Variants in TMEM140 observed in about 807,000 individuals in gnomAD.
TMEM140 encodes the protein transmembrane protein 140.
For synonymous variants in TMEM140, 107 were observed against 106.8 expected (o/e 1.00, Z -0.01); for missense variants, 236 against 228.5 (o/e 1.03, Z -0.21).
Position 135,165,398 on chromosome 7 carries a change from T to TAA in TMEM140, c.*400_*401insAA, listed in dbSNP as rs1225503324. On this transcript the variant is annotated 3_prime_UTR_variant, in exon 2 of 2. Transcript: ENST00000275767. ...CCAAAATGAAACCTAGCAAAGAACT[T>TAA]ACGGCAACAAACGAGGACATTAAAA... The TAA allele has an allele frequency of 5.4e-6, 1 of 186,588 alleles. No homozygotes were observed. Among genetic ancestry groups the TAA allele is most frequent in the African/African-American group, 2.4e-5 (1 of 41,926 alleles). 11.6% of individuals were successfully genotyped at this position (186,588 alleles called of 1,614,324 possible). A position where few individuals can be genotyped will look rare whatever the true frequency, so the allele number is the denominator to read the frequency against.
chr7:135,151,715 C>T lies in TMEM140; in HGVS notation c.-25+3445C>T, dbSNP rs1421281847. Among the ~76,000 whole-genome samples the T allele has an allele frequency of 2.0e-5, 3 of 152,188 alleles. No homozygotes were observed. The highest frequency in any genetic ancestry group is 3.8e-4 in the East Asian group (2 of 5,196). ...CAGTCTCACAACAGCCCATGAGGAA[C>T]GTGACAACTGATGCATTACAGATGA... On this transcript the variant is annotated intron_variant, in intron 1 of 1. Transcript: ENST00000275767. The surrounding 1 kb of genome is among the most constrained non-coding windows in gnomAD (Gnocchi z 4.3).
intron 1 of TMEM140, among the ~76,000 whole-genome samples, chr7:135,163,304 T>G (rs1829995338): frequency 6.6e-6 from 1 of 152,254 alleles, no homozygotes; most frequent in Non-Finnish European, 1.5e-5. Flanking sequence ...AGTGGTTTTA[T>G]GTGTATGATG....
At chr7:135,158,725 G>A (rs1430634272) in intron 1 of TMEM140, among the ~76,000 whole-genome samples, 2 of 152,096 alleles carry the variant, frequency 1.3e-5, no homozygotes, top group African/African-American at 4.8e-5. Flanking sequence ...GGGGAGGGGT[G>A]TCTACTCACA....
In TMEM140 at chr7:135,164,413, C is replaced by G. The variant is rs753566403; in HGVS notation, c.-24-5C>G. ...GATGGACTGACTGCTGTGACTTCCC[C>G]GCAGGTCCCCCGGCAGAGGGCAGTA... On this transcript the variant is annotated splice_region_variant and splice_polypyrimidine_tract_variant and intron_variant, in intron 1 of 1. Coordinates refer to ENST00000275767, the MANE Select transcript of TMEM140 (RefSeq NM_018295.5). The G allele has an allele frequency of 3.2e-6, 5 of 1,578,884 alleles. No individual in the cohort carries two copies. Among genetic ancestry groups the G allele is most frequent in the Non-Finnish European group, 4.3e-6 (5 of 1,153,538 alleles).
At chr7:135,162,013 G>A (rs1210508566) in intron 1 of TMEM140, among the ~76,000 whole-genome samples, 1 of 152,218 alleles carries the variant, frequency 6.6e-6, no homozygotes, top group Non-Finnish European at 1.5e-5. Flanking sequence ...AGCCTGCCCA[G>A]GTCTCTGCCA....
Position 135,148,075 on chromosome 7 carries a change from G to C in TMEM140, c.-220G>C, listed in dbSNP as rs777077108. The C allele has an allele frequency of 2.2e-6, 1 of 456,220 alleles. No homozygotes were observed. 28.3% of individuals were successfully genotyped at this position (456,220 alleles called of 1,614,324 possible). A position where few individuals can be genotyped will look rare whatever the true frequency, so the allele number is the denominator to read the frequency against. On this transcript the variant is annotated 5_prime_UTR_variant, in exon 1 of 2. Coordinates refer to ENST00000275767, the MANE Select transcript of TMEM140 (RefSeq NM_018295.5). ...CAGAACAAATGTACCAAAGTTCAGA[G>C]AGCTGTTTACTAGGCACGACTGCGA...
rs555896063 is a variant in TMEM140, at chr7:135,157,240, T to A, written c.-24-7178T>A. 2.0e-5 allele frequency among the ~76,000 whole-genome samples: 3 copies of A among 152,340 alleles called. No individual in the cohort carries two copies. The South Asian group carries it at 6.2e-4, about 32-fold the overall frequency. ...TGAAATTGCTTTTATAAGGGAGAAT[T>A]TTTTCCTGAGGATATATGCATGTTG... On this transcript the variant is annotated intron_variant, in intron 1 of 1. Transcript: ENST00000275767.
chr7:135,150,723 A>G (rs921398708), intron 1 of TMEM140, among the ~76,000 whole-genome samples: 2 of 152,194 alleles, frequency 1.3e-5, no homozygotes, highest in Non-Finnish European at 2.9e-5. Context: ...AACAGAAACC[A>G]AATGAGATTA....
chr7:135,156,774 A>AG (rs1468796716), intron 1 of TMEM140, among the ~76,000 whole-genome samples: 1 of 152,078 alleles, frequency 6.6e-6, no homozygotes, highest in East Asian at 1.9e-4. Context: ...GATGATTGTT[A>AG]CGGTTTGACT....
chr7:135,154,390 T>G (rs532667225), intron 1 of TMEM140, among the ~76,000 whole-genome samples: 2 of 152,304 alleles, frequency 1.3e-5, no homozygotes, highest in Admixed American at 1.3e-4. Context: ...TTTTTTCTTT[T>G]CTGCTAACTT....
chr7:135,165,217 C>G lies in TMEM140; in HGVS notation c.*218C>G, dbSNP rs1176263654. 1 of 525,724 alleles carries G rather than the reference C, an allele frequency of 1.9e-6. No individual in the cohort carries two copies. The highest frequency in any genetic ancestry group is 3.5e-5 in the Admixed American group (1 of 28,586). 32.6% of individuals were successfully genotyped at this position (525,724 alleles called of 1,614,324 possible). A position where few individuals can be genotyped will look rare whatever the true frequency, so the allele number is the denominator to read the frequency against. ...AAGATTGTCTGTCCTTCAGGACTTC[C>G]AAGGCTCCCAAAGACTCCCTAAACC... On this transcript the variant is annotated 3_prime_UTR_variant, in exon 2 of 2. Coordinates refer to ENST00000275767, the MANE Select transcript of TMEM140 (RefSeq NM_018295.5).
rs369115443 is a variant in TMEM140, at chr7:135,164,906, C to T, written c.465C>T (p.Gly155=). 7 of 1,614,102 alleles carry T rather than the reference C, an allele frequency of 4.3e-6. No homozygotes were observed. In the African/African-American group the frequency reaches 8.0e-5, roughly 18 times the overall value. Residue 155 remains glycine, a synonymous_variant, in exon 2 of 2, where the codon GGC becomes GGT. Coordinates refer to ENST00000275767, the MANE Select transcript of TMEM140 (RefSeq NM_018295.5). The part of the protein sequence containing the change: ...SLPGPGFLAL[G]SAQALLILLL... ...CGGGGCCTGGGTTTCTAGCTCTGGG[C>T]AGCGCCCAGGCCTTACTCATCCTCT...
chr7:135,162,160 T>C (rs1328701488), intron 1 of TMEM140, among the ~76,000 whole-genome samples: 5 of 152,174 alleles, frequency 3.3e-5, no homozygotes, highest in African/African-American at 4.8e-5. Context: ...ATGCAGTGTG[T>C]AGAATGAGAC....
intron 1 of TMEM140, among the ~76,000 whole-genome samples, chr7:135,149,360 G>C (rs1366595689): frequency 6.6e-6 from 1 of 151,950 alleles, no homozygotes; most frequent in African/African-American, 2.4e-5. Context: ...ACACTATGTA[G>C]AGTGATTTTA....
At chr7:135,164,189 C>A (rs556967795) in intron 1 of TMEM140, among the ~76,000 whole-genome samples, 1 of 152,364 alleles carries the variant, frequency 6.6e-6, no homozygotes, top group East Asian at 1.9e-4. Flanking sequence ...TTCAAAGCTG[C>A]TTGGGAGAGA....
rs551458690 is a variant in TMEM140, at chr7:135,165,379, T to C, written c.*380T>C. The C allele has an allele frequency of 2.1e-5, 4 of 194,256 alleles. No individual in the cohort carries two copies. In the South Asian group the frequency reaches 6.2e-4, roughly 30 times the overall value. 12.0% of individuals were successfully genotyped at this position (194,256 alleles called of 1,614,324 possible). Reference sequence around the variant, plus strand: ...CAGGCTGATTTGCCAAATGCCAAAATGAAACCTAGCAAAGAACTTACGGCA... The same window carrying C: ...CAGGCTGATTTGCCAAATGCCAAAACGAAACCTAGCAAAGAACTTACGGCA... On this transcript the variant is annotated 3_prime_UTR_variant, in exon 2 of 2. Coordinates refer to ENST00000275767, the MANE Select transcript of TMEM140 (RefSeq NM_018295.5).
chr7:135,156,309 A>G (rs1332879035), intron 1 of TMEM140, among the ~76,000 whole-genome samples: 1 of 152,106 alleles, frequency 6.6e-6, no homozygotes, highest in Non-Finnish European at 1.5e-5. Flanking sequence ...TAAACTTTCT[A>G]ATCTCTCTTC....
chr7:135,151,983 C>T lies in TMEM140; in HGVS notation c.-25+3713C>T, dbSNP rs541677868. 6.6e-6 allele frequency among the ~76,000 whole-genome samples: 1 copy of T among 152,316 alleles called. No individual in the cohort carries two copies. The highest frequency in any genetic ancestry group is 1.9e-4 in the East Asian group (1 of 5,186). ...CACTATTTGTCTTCCTAGAATCTCA[C>T]CACTGTCAGGCTGGTAGCCTGGGCT... On this transcript the variant is annotated intron_variant, in intron 1 of 1. Coordinates refer to ENST00000275767, the MANE Select transcript of TMEM140 (RefSeq NM_018295.5). The surrounding 1 kb of genome is among the most constrained non-coding windows in gnomAD (Gnocchi z 4.3).
intron 1 of TMEM140, among the ~76,000 whole-genome samples, chr7:135,160,420 C>A (rs937641799): frequency 6.6e-6 from 1 of 152,092 alleles, no homozygotes; most frequent in East Asian, 1.9e-4. Flanking sequence ...AAAAGAAAAA[C>A]AAAAACCAGG....
Sources: allele counts gnomAD v4.1 joint callset (sites outside exome capture counted in the v4.1 genomes callset), GRCh38; gene constraint gnomAD v4.1.1; non-coding constraint Gnocchi (gnomAD v3.1); transcripts MANE v1.5; gene names NCBI Gene and HGNC (gene_info 2026-07-23, HGNC 2026-07-21).